Variants in HOOK3 observed in about 807,000 individuals in gnomAD.
The protein encoded by HOOK3 is hook microtubule tethering protein 3.
HOOK3 carries 24 observed loss-of-function variants against 116.3 expected under a neutral mutation model. That is an observed-to-expected ratio of 0.21 (90% CI 0.15 to 0.29). The LOEUF (loss-of-function observed/expected upper bound fraction) is 0.29. HOOK3 is among the 10% of genes least tolerant of loss of function. The pLI, the probability that HOOK3 is intolerant of heterozygous loss-of-function variation, is 1.00. For missense variants in HOOK3, 632 were observed against 830.2 expected, an observed-to-expected ratio of 0.76 and a Z score of 2.93; for synonymous variants, 275 against 283.0, an observed-to-expected ratio of 0.97 and a Z score of 0.28.
chr8:42,954,759 A>C (rs1032179977), intron 6 of HOOK3, among the ~76,000 whole-genome samples: 2 of 152,184 alleles, frequency 1.3e-5, no homozygotes, highest in Admixed American at 1.3e-4. Context: ...CATAAGTCTC[A>C]TAGGAGATGC....
At chr8:42,916,782 C>G (rs1050870806) in intron 2 of HOOK3, among the ~76,000 whole-genome samples, 4 of 152,190 alleles carry the variant, frequency 2.6e-5, no homozygotes, top group African/African-American at 4.8e-5. Context: ...TCCCCACCCC[C>G]CTTTTCTGAA....
intron 11 of HOOK3, among the ~76,000 whole-genome samples, chr8:42,972,920 T>G (rs558725712): frequency 1.3e-5 from 2 of 152,228 alleles, no homozygotes; most frequent in Admixed American, 1.3e-4. Flanking sequence ...GGTTTTAATC[T>G]CTGAGGATTT....
At chr8:42,943,601 T>G (rs1808169782) in intron 5 of HOOK3, among the ~76,000 whole-genome samples, 156 bp downstream of exon 5, 1 of 152,240 alleles carries the variant, frequency 6.6e-6, no homozygotes, top group African/African-American at 2.4e-5. Context: ...GTAATTTGTT[T>G]TTAAGCTTAA....
chr8:42,965,647 CAG>C (rs1808619979), intron 9 of HOOK3, among the ~76,000 whole-genome samples: 1 of 152,264 alleles, frequency 6.6e-6, no homozygotes, highest in South Asian at 2.1e-4. Context: ...AGTGTTAAAA[CAG>C]AAATTAAACA....
Position 43,021,221 on chromosome 8 carries a change from T to A in HOOK3, c.*2723T>A, listed in dbSNP as rs1809821957. ...TTTCTATTTACAGCCCCAGTCCTAATCTCCTACCCATCCACCTACCCAGAT... is the reference window on the plus strand; with the variant it reads ...TTTCTATTTACAGCCCCAGTCCTAAACTCCTACCCATCCACCTACCCAGAT... On this transcript the variant is annotated 3_prime_UTR_variant, in exon 22 of 22. Transcript: ENST00000307602. 5.1e-6 allele frequency: 1 copy of A among 194,272 alleles called. No homozygotes were observed. The highest frequency in any genetic ancestry group is 1.1e-5 in the Non-Finnish European group (1 of 93,852). The allele number at this position is 194,272 out of a possible 1,614,324, so 12.0% of individuals were successfully genotyped here.
chr8:42,956,027 C>G (rs1183774103), intron 6 of HOOK3, among the ~76,000 whole-genome samples: 1 of 152,148 alleles, frequency 6.6e-6, no homozygotes, highest in Non-Finnish European at 1.5e-5. Context: ...TACCACCACA[C>G]CCAGTTATAC....
chr8:42,950,449 T>C lies in HOOK3; in HGVS notation c.462T>C (p.Ile154=). 6.2e-7 allele frequency: 1 copy of C among 1,605,286 alleles called. No individual in the cohort carries two copies. The highest frequency in any genetic ancestry group is 8.5e-7 in the Non-Finnish European group (1 of 1,172,624). The change falls in exon 6 of 22, where the codon ATT becomes ATC. Residue 154 remains isoleucine, a synonymous_variant. Coordinates refer to ENST00000307602, the MANE Select transcript of HOOK3 (RefSeq NM_032410.4). Reference sequence around the variant, plus strand: ...TTCAACATGTTGTCATGACAGCCATTCAAGAGGTATGTTGGAGCTTCATGC... The same window carrying C: ...TTCAACATGTTGTCATGACAGCCATCCAAGAGGTATGTTGGAGCTTCATGC... ...ESVQHVVMTA[I]QELMSKESPV... is the part of the protein sequence containing the mutation.
chr8:42,933,600 G>A (rs1444784330), intron 4 of HOOK3, among the ~76,000 whole-genome samples: 3 of 152,224 alleles, frequency 2.0e-5, no homozygotes, highest in South Asian at 2.1e-4. Context: ...TGCTGAATTC[G>A]GTGTATTTCT....
Position 42,950,474 on chromosome 8 carries a change from CT to C in HOOK3, c.468+21del. On this transcript the variant is annotated intron_variant, in intron 6 of 21. Coordinates refer to ENST00000307602, the MANE Select transcript of HOOK3 (RefSeq NM_032410.4). ...TCAAGAGGTATGTTGGAGCTTCATG[CT>C]TATAGTTTATGAAAAATTAAAGGAG... The C allele has an allele frequency of 1.3e-6, 2 of 1,558,824 alleles. No homozygotes were observed. The highest frequency in any genetic ancestry group is 1.8e-6 in the Non-Finnish European group (2 of 1,133,532).
intron 8 of HOOK3, among the ~76,000 whole-genome samples, chr8:42,959,718 G>GAAAAAAAAAAA: frequency 3.4e-5 from 1 of 29,042 alleles, no homozygotes. Context: ...GACTACATCT[G>GAAAAAAAAAAA]AAAAAAAAAA....
At chr8:42,959,421 T>C (rs1808495800) in intron 8 of HOOK3, 107 bp downstream of exon 8, 3 of 727,098 alleles carry the variant, frequency 4.1e-6, no homozygotes, top group Non-Finnish European at 2.3e-6. Flanking sequence ...ACGCAACCCT[T>C]TTTTAGGGAA....
chr8:42,947,419 A>G (rs1219068722), intron 5 of HOOK3, among the ~76,000 whole-genome samples: 1 of 152,182 alleles, frequency 6.6e-6, no homozygotes, highest in Non-Finnish European at 1.5e-5. Flanking sequence ...TTACTACAGA[A>G]TAGGACTAGG....
intron 19 of HOOK3, among the ~76,000 whole-genome samples, chr8:43,011,148 A>G (rs1412450630): frequency 2.0e-5 from 3 of 151,866 alleles, no homozygotes; most frequent in Admixed American, 6.6e-5. Context: ...GCCTGCCACC[A>G]CACTCGGCTA....
chr8:42,930,350 G>A (rs1233521166), intron 4 of HOOK3, among the ~76,000 whole-genome samples, 178 bp downstream of exon 4: 1 of 152,146 alleles, frequency 6.6e-6, no homozygotes, highest in African/African-American at 2.4e-5. Flanking sequence ...TTAATAGATG[G>A]ATGATCCTTT....
Position 43,007,905 on chromosome 8 carries a change from C to A in HOOK3, c.1714C>A (p.Leu572Ile). 1 of 1,596,486 alleles carries A rather than the reference C, an allele frequency of 6.3e-7. No individual in the cohort carries two copies. The highest frequency in any genetic ancestry group is 8.6e-7 in the Non-Finnish European group (1 of 1,168,738). ...LQKKRAIIED[L>I]EPRFNNSSLK... ...GAAGAAGAGAGCCATTATTGAAGAT[C>A]TCGAGCCAAGATTTAACAACAGCTG... The change falls in exon 18 of 22, where the codon CTC becomes ATC. Residue 572 changes from leucine to isoleucine, a missense_variant. Physicochemically the swap from Leu to Ile is conservative, Grantham distance 5. Transcript: ENST00000307602.
rs1174567113 is a variant in HOOK3, at chr8:43,029,488, C to CA, written c.*10993dup. The CA allele has an allele frequency of 1.7e-5, 3 of 181,106 alleles. No individual in the cohort carries two copies. The highest frequency in any genetic ancestry group is 7.1e-5 in the African/African-American group (3 of 42,394). 11.2% of individuals were successfully genotyped at this position (181,106 alleles called of 1,614,324 possible). A position where few individuals can be genotyped will look rare whatever the true frequency, so the allele number is the denominator to read the frequency against. ...TTAACAGCCTTAGTTATTTATAATT[C>CA]AAATGCACTAAAATATCATCGCTGT... On this transcript the variant is annotated 3_prime_UTR_variant, in exon 22 of 22. Coordinates refer to ENST00000307602, the MANE Select transcript of HOOK3 (RefSeq NM_032410.4).
intron 21 of HOOK3, among the ~76,000 whole-genome samples, chr8:43,014,508 C>A (rs1053292134): frequency 6.6e-6 from 1 of 151,702 alleles, no homozygotes; most frequent in Non-Finnish European, 1.5e-5. Context: ...CCTGCCAGCA[C>A]GCCCGAATAA....
At chr8:42,898,113 T>G (rs1014451469) in intron 1 of HOOK3, among the ~76,000 whole-genome samples, 17 of 152,262 alleles carry the variant, frequency 1.1e-4, no homozygotes, top group African/African-American at 3.9e-4. Context: ...TAGCGGTGTC[T>G]TGGGTTACGA....
intron 2 of HOOK3, among the ~76,000 whole-genome samples, chr8:42,923,019 A>T (rs1217993846): frequency 6.6e-6 from 1 of 152,242 alleles, no homozygotes; most frequent in African/African-American, 2.4e-5. Flanking sequence ...ATTCAATAAA[A>T]AAGACAACAC....
Sources: allele counts gnomAD v4.1 joint callset (sites outside exome capture counted in the v4.1 genomes callset), GRCh38; gene constraint gnomAD v4.1.1; transcripts MANE v1.5; gene names NCBI Gene and HGNC (gene_info 2026-07-23, HGNC 2026-07-21).